The following CLSTN2 variants were observed in gnomAD, a reference collection of about 807,000 sequenced individuals.
The protein encoded by CLSTN2 is calsyntenin 2.
In CLSTN2, 48 loss-of-function variants were observed where a neutral mutation model predicts 101.2. That is an observed-to-expected ratio of 0.47 (90% CI 0.38 to 0.60). The LOEUF (loss-of-function observed/expected upper bound fraction) is 0.60. Among genes scored for constraint, CLSTN2 ranks in the 20% least tolerant of loss-of-function variants. CLSTN2 has a pLI of 0.00. For synonymous variants in CLSTN2, 481 were observed against 463.6 expected, an observed-to-expected ratio of 1.04 and a Z score of -0.48; for missense variants, 1,160 against 1,238.2, an observed-to-expected ratio of 0.94 and a Z score of 0.95.
intron 5 of CLSTN2, among the ~76,000 whole-genome samples, chr3:140,426,492 G>A (rs879495166): frequency 1.3e-5 from 2 of 152,168 alleles, no homozygotes; most frequent in Non-Finnish European, 2.9e-5. Flanking sequence ...ATTCCGTGGT[G>A]TATATATATG....
intron 1 of CLSTN2, among the ~76,000 whole-genome samples, chr3:140,113,925 T>C (rs1243554782): frequency 6.6e-6 from 1 of 152,196 alleles, no homozygotes; most frequent in African/African-American, 2.4e-5. Flanking sequence ...TGGGAAGTTA[T>C]TCATAATTGC....
chr3:140,451,598 A>G (rs888912857), intron 6 of CLSTN2, among the ~76,000 whole-genome samples: 1 of 152,172 alleles, frequency 6.6e-6, no homozygotes, highest in Non-Finnish European at 1.5e-5. Context: ...AAAAAGGGTG[A>G]AAGCAAATGA....
chr3:140,356,430 G>C (rs972853482), intron 2 of CLSTN2, among the ~76,000 whole-genome samples: 1 of 152,112 alleles, frequency 6.6e-6, no homozygotes, highest in African/African-American at 2.4e-5. Context: ...CCTGAGCTGG[G>C]TGACATGTTA....
chr3:140,108,726 G>C (rs2009103653), intron 1 of CLSTN2, among the ~76,000 whole-genome samples: 1 of 152,078 alleles, frequency 6.6e-6, no homozygotes, highest in South Asian at 2.1e-4. Flanking sequence ...GTTTTGTTTT[G>C]TTGTATTTTG....
chr3:140,404,443 G>A (rs2088280406), intron 3 of CLSTN2, 115 bp from the exon 4 acceptor site: 2 of 864,994 alleles, frequency 2.3e-6, no homozygotes, highest in Admixed American at 2.1e-5. Context: ...ACAATTGGCT[G>A]ATGGTTTCTC....
intron 2 of CLSTN2, among the ~76,000 whole-genome samples, chr3:140,224,618 C>G (rs1162226295): frequency 1.3e-5 from 2 of 152,106 alleles, no homozygotes; most frequent in African/African-American, 4.8e-5. Flanking sequence ...GTTCCTTGGT[C>G]AAATAGGTTA....
At chr3:140,270,798 A>G (rs73867116) in intron 2 of CLSTN2, among the ~76,000 whole-genome samples, 8,522 of 152,224 alleles carry the variant, frequency 0.056, 740 homozygotes, top group African/African-American at 0.19. Context: ...CTTGAAAAGC[A>G]TATGAATTTT....
chr3:140,290,338 C>T (rs1024097461), intron 2 of CLSTN2, among the ~76,000 whole-genome samples: 1 of 152,146 alleles, frequency 6.6e-6, no homozygotes, highest in African/African-American at 2.4e-5. Context: ...GGACAGAGCT[C>T]TGCCTCCAGG....
intron 1 of CLSTN2, among the ~76,000 whole-genome samples, chr3:140,135,674 C>A (rs536911877): frequency 6.6e-6 from 1 of 152,282 alleles, no homozygotes; most frequent in South Asian, 2.1e-4. Flanking sequence ...ACACGAGGAA[C>A]AATAGCATTG....
At chr3:140,466,008 T>C (rs1337403607) in intron 7 of CLSTN2, among the ~76,000 whole-genome samples, 1 of 152,218 alleles carries the variant, frequency 6.6e-6, no homozygotes, top group Non-Finnish European at 1.5e-5. Context: ...AAACTTCCCA[T>C]TAATTGCCTG....
intron 1 of CLSTN2, among the ~76,000 whole-genome samples, chr3:139,950,334 A>G (rs537530901): frequency 6.6e-6 from 1 of 152,188 alleles, no homozygotes; most frequent in Non-Finnish European, 1.5e-5. Flanking sequence ...GTCCCCAGGC[A>G]CATGGATGAG....
At chr3:140,014,210 G>GTTTTA (rs942962647) in intron 1 of CLSTN2, among the ~76,000 whole-genome samples, 5 of 151,840 alleles carry the variant, frequency 3.3e-5, no homozygotes, top group African/African-American at 1.2e-4. Context: ...ATGCAATTTT[G>GTTTTA]TTTTATTTTA....
Position 140,563,990 on chromosome 3 carries a change from A to G in CLSTN2, c.2512A>G (p.Ile838Val), listed in dbSNP as rs1410996082. 2 of 1,614,088 alleles carry G rather than the reference A, an allele frequency of 1.2e-6. No individual in the cohort carries two copies. The highest frequency in any genetic ancestry group is 1.7e-5 in the Admixed American group (1 of 60,020). ...CCCAAGCATTGCCACAGTGGTCATCATCATCTCCGTGTGCATGCTTGTGTT... is the reference window on the plus strand; with the variant it reads ...CCCAAGCATTGCCACAGTGGTCATCGTCATCTCCGTGTGCATGCTTGTGTT... ...VVPSIATVVIIISVCMLVFVV... is the reference protein window; with the variant it reads ...VVPSIATVVIVISVCMLVFVV... Residue 838 changes from isoleucine (I) to valine (V), a missense_variant, in exon 16 of 17, where the codon ATC becomes GTC. Ile to Val is a conservative substitution (Grantham distance 29). Transcript: ENST00000458420.
chr3:140,239,399 A>G (rs1453895837), intron 2 of CLSTN2, among the ~76,000 whole-genome samples: 2 of 152,226 alleles, frequency 1.3e-5, no homozygotes, highest in African/African-American at 2.4e-5. Context: ...CAGCTAAACT[A>G]TGACACAATG....
intron 1 of CLSTN2, among the ~76,000 whole-genome samples, chr3:140,118,753 A>G (rs1285564548): frequency 6.6e-6 from 1 of 152,066 alleles, no homozygotes; most frequent in Non-Finnish European, 1.5e-5. Context: ...CCTCTTCAAG[A>G]CTCAGTTTCT....
intron 8 of CLSTN2, among the ~76,000 whole-genome samples, chr3:140,473,741 T>C (rs1933906512): frequency 1.2e-5 from 1 of 85,644 alleles, no homozygotes; most frequent in African/African-American, 2.7e-5. Context: ...GGGGGTTTTT[T>C]GTGTTTTTTT....
At chr3:140,287,493 A>G (rs2086906064) in intron 2 of CLSTN2, among the ~76,000 whole-genome samples, 1 of 152,180 alleles carries the variant, frequency 6.6e-6, no homozygotes, top group Non-Finnish European at 1.5e-5. Context: ...AAATTGGTCA[A>G]AAATGTATAC....
chr3:140,006,740 C>T (rs574340869), intron 1 of CLSTN2, among the ~76,000 whole-genome samples: 7 of 152,098 alleles, frequency 4.6e-5, no homozygotes, highest in South Asian at 2.1e-4. Flanking sequence ...TTCCTCACTA[C>T]GATTGAGAGT....
chr3:140,458,753 C>T (rs1054005639), intron 6 of CLSTN2, among the ~76,000 whole-genome samples: 8 of 152,216 alleles, frequency 5.3e-5, no homozygotes, highest in Non-Finnish European at 7.3e-5. Flanking sequence ...CGCCATGCAG[C>T]GAGCATGCTA....
Sources: gnomAD v4.1 joint callset for allele counts (sites outside exome capture counted in the v4.1 genomes callset) on GRCh38, gnomAD v4.1.1 for gene constraint, MANE v1.5 for transcripts, NCBI Gene and HGNC (gene_info 2026-07-23, HGNC 2026-07-21) for gene names.